Variants in ADAM8 observed in about 807,000 individuals in gnomAD.
ADAM8 encodes disintegrin and metalloproteinase domain-containing protein 8.
ADAM8 carries 104 observed loss-of-function variants against 102.4 expected under a neutral mutation model. The observed-to-expected ratio is 1.02, with a 90% CI of 0.87 to 1.20. The LOEUF (loss-of-function observed/expected upper bound fraction) is 1.20. Among genes scored for constraint, ADAM8 ranks in the 50% most tolerant of loss-of-function variants. ADAM8 has a pLI of 0.00. For synonymous variants in ADAM8, 517 were observed against 485.2 expected, an observed-to-expected ratio of 1.07 and a Z score of -0.86; for missense variants, 1,132 against 1,159.0, an observed-to-expected ratio of 0.98 and a Z score of 0.34.
At chr10:133,271,100 G>C in intron 13 of ADAM8, 30 bp from the exon 14 acceptor site, 1 of 1,600,482 alleles carries the variant, frequency 6.2e-7, no homozygotes, top group South Asian at 1.1e-5. Context: ...CTCACCATGG[G>C]GACAGGTCCA....
intron 8 of ADAM8, 87 bp from the exon 9 acceptor site, chr10:133,272,672 A>G (rs532915241): frequency 7.4e-5 from 114 of 1,538,524 alleles, no homozygotes; most frequent in Non-Finnish European, 9.7e-5. Context: ...CACCTGTCCC[A>G]CGGCGAGGTG....
At chr10:133,274,549 G>A (rs554887847) in intron 2 of ADAM8, among the ~76,000 whole-genome samples, 11 of 151,304 alleles carry the variant, frequency 7.3e-5, no homozygotes, top group Admixed American at 2.6e-4. Flanking sequence ...TGCTGAAGGC[G>A]ACCGGCGGAG....
rs149375816 is a variant in ADAM8, at chr10:133,263,524, C to T, written c.2397+164G>A. ...TGATCACAGCACAGATACCACAGTA[C>T]AGCCACTGCCAATGCCTTTCCCTTT... On this transcript the variant is annotated intron_variant, in intron 22 of 22. Transcript: ENST00000445355. Among the ~76,000 whole-genome samples, 35 of 139,026 alleles carry T rather than the reference C, an allele frequency of 2.5e-4. No homozygotes were observed. The East Asian group carries it at 4.8e-3, about 19-fold the overall frequency. 91.2% of individuals were successfully genotyped at this position (139,026 alleles called of 152,430 possible). A position where few individuals can be genotyped will look rare whatever the true frequency, so the allele number is the denominator to read the frequency against.
Position 133,263,743 on chromosome 10 carries a change from G to T in ADAM8, c.2342C>A (p.Pro781His), listed in dbSNP as rs1403687356. Reference protein sequence around the residue: ...PKQVIKPTFAPPVPPVKPGAG... With the variant: ...PKQVIKPTFAHPVPPVKPGAG... The stretch of plus-strand genomic sequence containing the variant: ...CCCGGGTTTGACTGGGGGCACTGGG[G>T]GTGCGAACGTTGGCTTGATGACCTG... The change falls in exon 22 of 23, where the codon CCC becomes CAC. Residue 781 changes from proline to histidine, a missense_variant. By Grantham distance (77) the Pro-to-His change is moderately conservative. Transcript: ENST00000445355. 6.5e-7 allele frequency: 1 copy of T among 1,534,054 alleles called. No homozygotes were observed. Among genetic ancestry groups the T allele is most frequent in the Non-Finnish European group, 8.8e-7 (1 of 1,140,358 alleles).
In ADAM8 at chr10:133,267,933, G is replaced by C; in HGVS notation, c.2249C>G (p.Pro750Arg). 7.9e-7 allele frequency: 1 copy of C among 1,260,392 alleles called. No homozygotes were observed. Among genetic ancestry groups the C allele is most frequent in the Non-Finnish European group, 1.0e-6 (1 of 996,498 alleles). The allele number at this position is 1,260,392 out of a possible 1,614,324, so 78.1% of individuals were successfully genotyped here. ...ASSVALKRPPPAPPVTVSSPP... is the reference protein window; with the variant it reads ...ASSVALKRPPRAPPVTVSSPP... ...CCCGCCAGGGGTGGTGCTTACAGCA[G>C]GGGGCGGCCTCTTCAGAGCCACCGA... Residue 750 changes from proline to arginine, a missense_variant, in exon 20 of 23, where the codon CCT (proline) becomes CGT (arginine). Pro to Arg is a moderately radical substitution (Grantham distance 103). Transcript: ENST00000445355.
intron 1 of ADAM8, chr10:133,275,897 G>A (rs1017392261): frequency 1.6e-5 from 5 of 317,534 alleles, no homozygotes; most frequent in African/African-American, 8.6e-5. Context: ...GGGGCCCGAG[G>A]GCAAGGATGA....
intron 17 of ADAM8, 27 bp downstream of exon 17, chr10:133,269,870 G>T (rs774701194): frequency 1.2e-6 from 2 of 1,611,008 alleles, no homozygotes; most frequent in Non-Finnish European, 8.5e-7. Context: ...TCTGTGCAGG[G>T]GCCCTGTCCC....
In ADAM8 at chr10:133,272,591, G is replaced by A; in HGVS notation, c.706-6C>T. 1.2e-6 allele frequency: 2 copies of A among 1,603,114 alleles called. No individual in the cohort carries two copies. The highest frequency in any genetic ancestry group is 1.7e-6 in the Non-Finnish European group (2 of 1,174,560). ...AAGTTGAGTTTCTGATATAGCTGGA[G>A]AGGTGGTGGAGTCCTGGGGGTCAGG... On this transcript the variant is annotated splice_polypyrimidine_tract_variant and splice_region_variant and intron_variant, in intron 8 of 22. Transcript: ENST00000445355.
At position 133,271,662 on chromosome 10, in the gene ADAM8, G is replaced by C. The variant is rs370928567; in HGVS notation, c.1150C>G (p.Leu384Val). 34 of 1,563,686 alleles carry C rather than the reference G, an allele frequency of 2.2e-5. No homozygotes were observed. In the South Asian group the frequency reaches 2.3e-4, roughly 11 times the overall value. Residue 384 changes from leucine (L) to valine (V), a missense_variant, in exon 12 of 23, where the codon CTG (leucine) becomes GTG (valine). Physicochemically the swap from Leu to Val is conservative, Grantham distance 32. Transcript: ENST00000445355. ...RMFSDCSQAY[L>V]ESFLERPQSV... Reference sequence around the variant, plus strand: ...TGCGGCCGCTCCAAAAAGCTCTCCAGGTAGGCCTGGCTGCAGTCACTGAAC... The same window carrying C: ...TGCGGCCGCTCCAAAAAGCTCTCCACGTAGGCCTGGCTGCAGTCACTGAAC...
rs1846464592 is a variant in ADAM8, at chr10:133,269,963, T to C, written c.1797A>G (p.Lys599=). 6.8e-6 allele frequency: 11 copies of C among 1,612,654 alleles called. No homozygotes were observed. The highest frequency in any genetic ancestry group is 9.3e-6 in the Non-Finnish European group (11 of 1,179,934). Residue 599 remains lysine, a synonymous_variant, in exon 17 of 23, where the codon AAA becomes AAG. Coordinates refer to ENST00000445355, the MANE Select transcript of ADAM8 (RefSeq NM_001109.5). ...AAACGTGTAAGTCCTGGCAACGTCC[T>C]TTCCAGCAAACCTGGGGGTAGGAGG... ...TRCGPEKVCW[K]GRCQDLHVYR...
chr10:133,268,903 A>G, intron 18 of ADAM8, 41 bp from the exon 19 acceptor site: 1 of 1,586,552 alleles, frequency 6.3e-7, no homozygotes, highest in South Asian at 1.1e-5. Context: ...GCAGGCCGCG[A>G]CCTCAGGCAG....
intron 16 of ADAM8, among the ~76,000 whole-genome samples, 185 bp from the exon 17 acceptor site, chr10:133,270,159 C>T (rs1035618769): frequency 6.6e-6 from 1 of 152,346 alleles, no homozygotes; most frequent in Non-Finnish European, 1.5e-5. Flanking sequence ...GGCACGTGGC[C>T]GCCGGCGACG....
chr10:133,276,699 T>A, intron 1 of ADAM8, 73 bp downstream of exon 1: 1 of 1,505,390 alleles, frequency 6.6e-7, no homozygotes, highest in Non-Finnish European at 8.8e-7. Context: ...GGGCTCGGGG[T>A]CCGCGTCGCG....
At position 133,274,220 on chromosome 10, in the gene ADAM8, TCTCTGGGTGCAGGC is replaced by T; in HGVS notation, c.152_165del (p.Gly51GlufsTer90). 1 of 1,573,494 alleles carries T rather than the reference TCTCTGGGTGCAGGC, an allele frequency of 6.4e-7. No homozygotes were observed. The highest frequency in any genetic ancestry group is 8.6e-7 in the Non-Finnish European group (1 of 1,159,630). On this transcript the variant is annotated frameshift_variant and splice_region_variant, in exon 3 of 23. Transcript: ENST00000445355. LOFTEE classifies it high-confidence loss of function. ...GTGGCCCCAAGGACGTAGCTCACCC[TCTCTGGGTGCAGGC>T]CCTGAGCGAGGAGGGAAGGGTCCCA... is the stretch of plus-strand genomic sequence containing the variant.
At chr10:133,264,250 G>A (rs531124069) in intron 21 of ADAM8, among the ~76,000 whole-genome samples, 48 of 151,442 alleles carry the variant, frequency 3.2e-4, no homozygotes, top group Non-Finnish European at 5.5e-4. Flanking sequence ...TTGTAGAGAC[G>A]GGGTCTCCCT....
In ADAM8 at chr10:133,263,100, C is replaced by T. The variant is rs554340450; in HGVS notation, c.*56G>A. The stretch of plus-strand genomic sequence containing the variant: ...CTAGCTGGACCGTGGAATGCTGGAA[C>T]GCATGGCTTCTCTGCCGCAACTTCT... On this transcript the variant is annotated 3_prime_UTR_variant, in exon 23 of 23. Transcript: ENST00000445355. 104 of 1,593,678 alleles carry T rather than the reference C, an allele frequency of 6.5e-5. 2 individuals carry two copies. In the South Asian group the frequency reaches 1.1e-3, roughly 16 times the overall value.
chr10:133,276,353 TC>T (rs1846751595), intron 1 of ADAM8, among the ~76,000 whole-genome samples: 1 of 151,838 alleles, frequency 6.6e-6, no homozygotes, highest in African/African-American at 2.4e-5. Flanking sequence ...AGGAGACGGG[TC>T]CCCTCAGCCC....
At chr10:133,266,384 C>A (rs1050763839) in intron 21 of ADAM8, among the ~76,000 whole-genome samples, 1 of 152,172 alleles carries the variant, frequency 6.6e-6, no homozygotes, top group Admixed American at 6.5e-5. Flanking sequence ...TGCAACTTTT[C>A]TGTAAGTCTA....
chr10:133,266,890 C>A (rs546246427), intron 21 of ADAM8, among the ~76,000 whole-genome samples: 83 of 152,306 alleles, frequency 5.4e-4, no homozygotes, highest in African/African-American at 1.8e-3. Context: ...GACACGGAGG[C>A]CTGGGAGTTA....
Sources: allele counts gnomAD v4.1 joint callset (sites outside exome capture counted in the v4.1 genomes callset), GRCh38; gene constraint gnomAD v4.1.1; transcripts MANE v1.5; gene names NCBI Gene and HGNC (gene_info 2026-07-23, HGNC 2026-07-21).